The following IKZF1 variants were observed in gnomAD, a reference collection of about 807,000 sequenced individuals.
IKZF1 encodes DNA-binding protein Ikaros.
IKZF1 carries 10 observed loss-of-function variants against 51.7 expected under a neutral mutation model. The observed-to-expected ratio is 0.19, with a 90% CI of 0.12 to 0.33. The LOEUF is 0.33. Among genes scored for constraint, IKZF1 ranks in the 10% least tolerant of loss-of-function variants. The pLI, the probability that IKZF1 is intolerant of heterozygous loss-of-function variation, is 1.00. For missense variants in IKZF1, 484 were observed against 707.5 expected (o/e 0.68, Z 3.58); for synonymous variants, 280 against 282.3 (o/e 0.99, Z 0.08).
At position 50,403,493 on chromosome 7, in the gene IKZF1, G is replaced by A. The variant is rs1175931605; in HGVS notation, c.*2866G>A. 2.2e-5 allele frequency: 5 copies of A among 227,780 alleles called. No homozygotes were observed. The highest frequency in any genetic ancestry group is 6.2e-5 in the East Asian group (1 of 16,054). 14.1% of individuals were successfully genotyped at this position (227,780 alleles called of 1,614,324 possible). A position where few individuals can be genotyped will look rare whatever the true frequency, so the allele number is the denominator to read the frequency against. On this transcript the variant is annotated 3_prime_UTR_variant, in exon 8 of 8. Transcript: ENST00000331340. ...GGCCTGTTGATTACAGCTAGTAATCGCTGTGTCTTGTTCCGCCCCCTCCCT... is the reference window on the plus strand; with the variant it reads ...GGCCTGTTGATTACAGCTAGTAATCACTGTGTCTTGTTCCGCCCCCTCCCT...
At chr7:50,399,593 A>G (rs1817593241) in intron 7 of IKZF1, among the ~76,000 whole-genome samples, 1 of 152,250 alleles carries the variant, frequency 6.6e-6, no homozygotes, top group Non-Finnish European at 1.5e-5. Flanking sequence ...ATGAAATACA[A>G]TAACATAATT....
intron 4 of IKZF1, among the ~76,000 whole-genome samples, chr7:50,377,564 T>C (rs1176569353): frequency 1.3e-5 from 2 of 152,236 alleles, no homozygotes; most frequent in African/African-American, 4.8e-5. Context: ...GAGCCCCAGC[T>C]GGCCGCGCTC....
At chr7:50,339,076 T>C (rs1165988833) in intron 3 of IKZF1, among the ~76,000 whole-genome samples, 7 of 152,178 alleles carry the variant, frequency 4.6e-5, no homozygotes, top group African/African-American at 1.4e-4. Flanking sequence ...ACCACAGAAA[T>C]CGGTGAACGC....
In IKZF1 at chr7:50,399,790, G is replaced by A. The variant is rs888090233; in HGVS notation, c.851-128G>A. ...GTGTATGTGTGCAGGTGTGGGGTCC[G>A]CAGGCGTGCTGGGCCCCCAGGCCGT... On this transcript the variant is annotated intron_variant, in intron 7 of 7. Transcript: ENST00000331340. 23 of 1,389,440 alleles carry A rather than the reference G, an allele frequency of 1.7e-5. No individual in the cohort carries two copies. The African/African-American group carries it at 2.6e-4, about 16-fold the overall frequency. The allele number at this position is 1,389,440 out of a possible 1,614,324, so 86.1% of individuals were successfully genotyped here.
In IKZF1 at chr7:50,401,561, A is replaced by G. The variant is rs1018415593; in HGVS notation, c.*934A>G. On this transcript the variant is annotated 3_prime_UTR_variant, in exon 8 of 8. Transcript: ENST00000331340. Reference sequence around the variant, plus strand: ...CAAACGGCAACATTCCTCAGAAACCAAAGCTTTATTTCAAATCTCTTCCTT... The same window carrying G: ...CAAACGGCAACATTCCTCAGAAACCGAAGCTTTATTTCAAATCTCTTCCTT... 1 of 222,156 alleles carries G rather than the reference A, an allele frequency of 4.5e-6. No homozygotes were observed. Among genetic ancestry groups the G allele is most frequent in the Non-Finnish European group, 9.0e-6 (1 of 110,976 alleles). The allele number at this position is 222,156 out of a possible 1,614,324, so 13.8% of individuals were successfully genotyped here. A position where few individuals can be genotyped will look rare whatever the true frequency, so the allele number is the denominator to read the frequency against.
intron 3 of IKZF1, among the ~76,000 whole-genome samples, chr7:50,339,810 A>G (rs1452101307): frequency 6.6e-6 from 1 of 152,072 alleles, no homozygotes; most frequent in East Asian, 1.9e-4. Context: ...CTATTATGCT[A>G]TTGCTGTTAT....
intron 3 of IKZF1, among the ~76,000 whole-genome samples, chr7:50,333,041 T>C (rs1796762708): frequency 6.6e-6 from 1 of 151,418 alleles, no homozygotes; most frequent in African/African-American, 2.4e-5. Context: ...AGGTCCTTCA[T>C]GTTGAATAGT....
intron 2 of IKZF1, among the ~76,000 whole-genome samples, chr7:50,321,427 G>T (rs984619041): frequency 3.3e-5 from 5 of 152,232 alleles, no homozygotes; most frequent in African/African-American, 1.2e-4. Flanking sequence ...CCTCACTCAT[G>T]GAAGAGGATC....
intron 3 of IKZF1, chr7:50,328,186 C>A (rs1795577302): frequency 6.5e-6 from 1 of 154,068 alleles, no homozygotes; most frequent in Non-Finnish European, 1.4e-5. Flanking sequence ...ATCTCTAGTT[C>A]TTAAATTTCA....
chr7:50,366,395 A>G (rs1329581548), intron 3 of IKZF1, among the ~76,000 whole-genome samples: 1 of 152,238 alleles, frequency 6.6e-6, no homozygotes, highest in Non-Finnish European at 1.5e-5. Flanking sequence ...GCACAAGGCT[A>G]CATTTTCTAC....
chr7:50,371,671 G>A (rs960082163), intron 3 of IKZF1, among the ~76,000 whole-genome samples: 35 of 152,240 alleles, frequency 2.3e-4, no homozygotes, highest in African/African-American at 5.1e-4. Context: ...GCCTCTCCTC[G>A]GCACCTTCTC....
At chr7:50,350,752 A>G (rs1172571602) in intron 3 of IKZF1, among the ~76,000 whole-genome samples, 1 of 151,704 alleles carries the variant, frequency 6.6e-6, no homozygotes, top group Non-Finnish European at 1.5e-5. Context: ...TTACTCATAA[A>G]TGTAGATCTT....
chr7:50,374,575 A>T (rs144611150), intron 3 of IKZF1, among the ~76,000 whole-genome samples: 5 of 152,220 alleles, frequency 3.3e-5, no homozygotes, highest in Non-Finnish European at 5.9e-5. Context: ...TAAATGGCAG[A>T]GTACAATTAA....
chr7:50,326,082 C>T (rs1794929949), intron 2 of IKZF1, among the ~76,000 whole-genome samples: 1 of 152,174 alleles, frequency 6.6e-6, no homozygotes, highest in African/African-American at 2.4e-5. Flanking sequence ...GGCTTGGTGC[C>T]TGTGCAGGTT....
At chr7:50,325,921 G>A (rs895642989) in intron 2 of IKZF1, among the ~76,000 whole-genome samples, 11 of 152,070 alleles carry the variant, frequency 7.2e-5, no homozygotes, top group South Asian at 6.2e-4. Flanking sequence ...ATCCTGCTCC[G>A]TCTTTAACTA....
At chr7:50,384,471 G>C (rs573236464) in intron 5 of IKZF1, among the ~76,000 whole-genome samples, 30 of 152,384 alleles carry the variant, frequency 2.0e-4, no homozygotes, top group African/African-American at 6.7e-4. Context: ...TTGCTTGCCC[G>C]AGAGGGCGGG....
intron 7 of IKZF1, chr7:50,394,471 G>A (rs1208818980): frequency 8.6e-6 from 2 of 233,162 alleles, no homozygotes; most frequent in Non-Finnish European, 1.7e-5. Flanking sequence ...CCCAATAGTG[G>A]TTCAGTTGAG....
At chr7:50,365,699 T>C (rs1806694456) in intron 3 of IKZF1, among the ~76,000 whole-genome samples, 1 of 152,174 alleles carries the variant, frequency 6.6e-6, no homozygotes, top group African/African-American at 2.4e-5. Flanking sequence ...TGTAAATTAG[T>C]TCAACCATGT....
chr7:50,369,562 G>C, intron 3 of IKZF1: 1 of 398,594 alleles, frequency 2.5e-6, no homozygotes, highest in Admixed American at 4.4e-5. Context: ...GCGGCTACTT[G>C]GTCTTGATGC....
Sources: gnomAD v4.1 joint callset for allele counts (sites outside exome capture counted in the v4.1 genomes callset) on GRCh38, gnomAD v4.1.1 for gene constraint, MANE v1.5 for transcripts, NCBI Gene and HGNC (gene_info 2026-07-23, HGNC 2026-07-21) for gene names.